The following SLC16A7 variants were observed in gnomAD, a reference collection of about 807,000 sequenced individuals.
SLC16A7 encodes the protein monocarboxylate transporter 2.
Under a neutral mutation model 34.9 loss-of-function variants are expected in SLC16A7, and 33 were observed. The ratio of observed to expected loss-of-function variants is 0.94; its 90% CI spans 0.72 to 1.26. The LOEUF is 1.26. Among genes scored for constraint, SLC16A7 ranks in the 50% most tolerant of loss-of-function variants. The pLI is 0.00. For missense variants in SLC16A7, 573 were observed against 578.1 expected (o/e 0.99, Z 0.09); for synonymous variants, 201 against 206.6 (o/e 0.97, Z 0.23).
At chr12:59,770,619 A>T (rs1882126867) in intron 3 of SLC16A7, among the ~76,000 whole-genome samples, 1 of 152,190 alleles carries the variant, frequency 6.6e-6, no homozygotes, top group Non-Finnish European at 1.5e-5. Flanking sequence ...ACTACCTATG[A>T]CTGCCTCTTG....
chr12:59,680,163 T>C (rs1870634194), intron 2 of SLC16A7, among the ~76,000 whole-genome samples: 1 of 152,080 alleles, frequency 6.6e-6, no homozygotes, highest in South Asian at 2.1e-4. Context: ...TTACAGAGAA[T>C]AGAGAGGCAA....
chr12:59,619,287 G>A (rs567128150), intron 1 of SLC16A7, among the ~76,000 whole-genome samples: 5 of 151,996 alleles, frequency 3.3e-5, no homozygotes, highest in South Asian at 2.1e-4. Flanking sequence ...AAATTGAATC[G>A]TGCAATCAAA....
At chr12:59,671,690 A>ATG (rs972227649) in intron 2 of SLC16A7, among the ~76,000 whole-genome samples, 37 of 130,542 alleles carry the variant, frequency 2.8e-4, no homozygotes, top group African/African-American at 9.8e-4. Context: ...ATATATATAT[A>ATG]TGTGTGTGTG....
At chr12:59,732,516 A>G (rs1262052186) in intron 3 of SLC16A7, among the ~76,000 whole-genome samples, 5 of 152,350 alleles carry the variant, frequency 3.3e-5, no homozygotes, top group African/African-American at 1.2e-4. Context: ...CAAAGTAGGT[A>G]TATGAGAGGG....
chr12:59,671,929 CCATATAT>C (rs1565640901), intron 2 of SLC16A7, among the ~76,000 whole-genome samples: 2 of 15,512 alleles, frequency 1.3e-4, no homozygotes, highest in African/African-American at 6.6e-4. Context: ...ATGTATATAT[CCATATAT>C]GTATATATGT....
chr12:59,603,275 C>G (rs1265465062), intron 1 of SLC16A7, among the ~76,000 whole-genome samples: 1 of 152,126 alleles, frequency 6.6e-6, no homozygotes, highest in Non-Finnish European at 1.5e-5. Flanking sequence ...TGGAAGCACA[C>G]CTTTGTTAAG....
intron 1 of SLC16A7, among the ~76,000 whole-genome samples, chr12:59,614,660 T>A (rs1879353989): frequency 6.6e-6 from 1 of 151,632 alleles, no homozygotes; most frequent in South Asian, 2.1e-4. Context: ...TGAGGGTTCC[T>A]GCCTTATGAA....
intron 1 of SLC16A7, among the ~76,000 whole-genome samples, chr12:59,640,266 G>A (rs772358996): frequency 1.3e-5 from 2 of 152,060 alleles, no homozygotes; most frequent in African/African-American, 2.4e-5. Context: ...AACACAATTA[G>A]TAAGCAGAAC....
chr12:59,613,966 C>T (rs4304824), intron 1 of SLC16A7, among the ~76,000 whole-genome samples: 46,472 of 151,620 alleles, frequency 0.31, 9,257 homozygotes, highest in East Asian at 0.66. Flanking sequence ...AAACCCTTAC[C>T]GAATGAAACA....
intron 1 of SLC16A7, among the ~76,000 whole-genome samples, chr12:59,636,529 A>G (rs1880436037): frequency 6.6e-6 from 1 of 152,124 alleles, no homozygotes; most frequent in Non-Finnish European, 1.5e-5. Flanking sequence ...CAATGGCACA[A>G]TCACAGCTCA....
intron 1 of SLC16A7, among the ~76,000 whole-genome samples, chr12:59,620,307 C>A (rs921843946): frequency 6.6e-6 from 1 of 151,772 alleles, no homozygotes; most frequent in Non-Finnish European, 1.5e-5. Context: ...CAAAGCAAAA[C>A]TGATTGACTT....
intron 2 of SLC16A7, among the ~76,000 whole-genome samples, chr12:59,695,110 G>C (rs1247369467): frequency 6.6e-6 from 1 of 151,460 alleles, no homozygotes; most frequent in Non-Finnish European, 1.5e-5. Flanking sequence ...CTATTTTCTT[G>C]GAGGGCTGCC....
chr12:59,700,856 C>A (rs1403204353), intron 2 of SLC16A7, among the ~76,000 whole-genome samples: 1 of 151,506 alleles, frequency 6.6e-6, no homozygotes, highest in Non-Finnish European at 1.5e-5. Context: ...ACATTCAGCC[C>A]CAACTATGAC....
rs954701794 is a variant in SLC16A7, at chr12:59,596,262, AGAGGAG to A, written c.-130+43_-130+48del. On this transcript the variant is annotated intron_variant, in intron 1 of 5. Coordinates refer to ENST00000547379, the MANE Select transcript of SLC16A7 (RefSeq NM_001270623.2). This position sits in a 1 kb window ranked among gnomAD's most constrained non-coding sequence, Gnocchi z 5.0. ...GTAAGTACAGCTGGGGAGGGAGGGG[AGAGGAG>A]GAGGAGGAGGAGGAGGTGCCGGCTA... 7.3e-5 allele frequency: 11 copies of A among 151,716 alleles called. No individual in the cohort carries two copies. Among genetic ancestry groups the A allele is most frequent in the African/African-American group, 1.5e-4 (6 of 41,012 alleles). The allele number at this position is 151,716 out of a possible 1,614,324, so 9.4% of individuals were successfully genotyped here. A position where few individuals can be genotyped will look rare whatever the true frequency, so the allele number is the denominator to read the frequency against.
At chr12:59,674,256 C>T (rs750574599) in intron 2 of SLC16A7, among the ~76,000 whole-genome samples, 2 of 151,968 alleles carry the variant, frequency 1.3e-5, no homozygotes, top group Non-Finnish European at 2.9e-5. Flanking sequence ...TTCTTTTTTC[C>T]TTGTTATTAT....
intron 3 of SLC16A7, among the ~76,000 whole-genome samples, chr12:59,710,589 C>A (rs987116456): frequency 6.6e-6 from 1 of 152,092 alleles, no homozygotes; most frequent in Non-Finnish European, 1.5e-5. Context: ...TTCTAAGAAC[C>A]TTTATTGAAA....
At position 59,774,656 on chromosome 12, in the gene SLC16A7, G is replaced by T; in HGVS notation, c.362-1G>T. 1.9e-6 allele frequency: 3 copies of T among 1,556,844 alleles called. No homozygotes were observed. The highest frequency in any genetic ancestry group is 2.6e-6 in the Non-Finnish European group (3 of 1,153,108). On this transcript the variant is annotated splice_acceptor_variant, in intron 4 of 5. Coordinates refer to ENST00000547379, the MANE Select transcript of SLC16A7 (RefSeq NM_001270623.2). LOFTEE classifies it high-confidence loss of function. ...CCCCACTTTTGTTTTGTTCTTTTTA[G>T]GTTTAGGTTTAGCCTTCAACCTGCA...
At chr12:59,721,284 A>C (rs1015578859) in intron 3 of SLC16A7, among the ~76,000 whole-genome samples, 3 of 152,000 alleles carry the variant, frequency 2.0e-5, no homozygotes, top group African/African-American at 7.2e-5. Flanking sequence ...GAACTTCCAC[A>C]TACTTCTACT....
intron 3 of SLC16A7, among the ~76,000 whole-genome samples, chr12:59,752,684 G>C (rs541850839): frequency 4.6e-4 from 70 of 152,280 alleles, no homozygotes; most frequent in African/African-American, 1.7e-3. Flanking sequence ...ACACTCTGCA[G>C]GATATTATCC....
Sources: gnomAD v4.1 joint callset for allele counts (sites outside exome capture counted in the v4.1 genomes callset) on GRCh38, gnomAD v4.1.1 for gene constraint, Gnocchi (gnomAD v3.1) non-coding constraint, MANE v1.5 for transcripts, NCBI Gene and HGNC (gene_info 2026-07-23, HGNC 2026-07-21) for gene names.